Variants in SYTL2 observed in about 807,000 individuals in gnomAD.
The protein encoded by SYTL2 is synaptotagmin-like protein 2.
SYTL2 carries 165 observed loss-of-function variants against 198.7 expected under a neutral mutation model. The ratio of observed to expected loss-of-function variants is 0.83; its 90% CI spans 0.73 to 0.94. SYTL2 has a LOEUF of 0.94. SYTL2 is among the 40% of genes least tolerant of loss of function. The probability of loss-of-function intolerance (pLI) is 0.00; values close to 1 mark genes in which losing one functional copy is unlikely to be tolerated. For missense variants in SYTL2, 2,835 were observed against 2,582.8 expected, an observed-to-expected ratio of 1.10 and a Z score of -2.12; for synonymous variants, 966 against 917.7, an observed-to-expected ratio of 1.05 and a Z score of -0.95.
At position 85,776,400 on chromosome 11, in the gene SYTL2, G is replaced by A. The variant is rs539744823; in HGVS notation, c.-389-18286C>T. Among the ~76,000 whole-genome samples, 5 of 152,184 alleles carry A rather than the reference G, an allele frequency of 3.3e-5. No homozygotes were observed. The East Asian group carries it at 9.6e-4, about 29-fold the overall frequency. Reference sequence around the variant, plus strand: ...TTCTCCTAATGTTATCCCTCCCCTAGCCTCCCACCGCGCAACAGGCCCCGG... The same window carrying A: ...TTCTCCTAATGTTATCCCTCCCCTAACCTCCCACCGCGCAACAGGCCCCGG... On this transcript the variant is annotated intron_variant, in intron 1 of 19. Transcript: ENST00000359152.
upstream of SYTL2, among the ~76,000 whole-genome samples, chr11:85,816,080 G>A (rs74636395): frequency 4.6e-5 from 7 of 152,192 alleles, no homozygotes; most frequent in East Asian, 9.7e-4. Context: ...CAGGAGAATC[G>A]CTTGAACCTG....
chr11:85,824,112 C>T, the SYTL2 span, among the ~76,000 whole-genome samples: 2 of 152,200 alleles, frequency 1.3e-5, no homozygotes, highest in Non-Finnish European at 2.9e-5. Flanking sequence ...TTACAGAGCA[C>T]TGTTTTAACT....
intron 4 of SYTL2, among the ~76,000 whole-genome samples, chr11:85,740,240 A>G (rs1008429966): frequency 9.2e-5 from 14 of 152,100 alleles, no homozygotes; most frequent in Non-Finnish European, 1.5e-4. Context: ...AAAATGGTCA[A>G]TCTACTTACT....
Position 85,694,428 on chromosome 11 carries a change from G to A in SYTL2, c.*767C>T, listed in dbSNP as rs1169844589. On this transcript the variant is annotated 3_prime_UTR_variant, in exon 20 of 20. Transcript: ENST00000359152. Reference sequence around the variant, plus strand: ...ACATGTTTGTGACTACTCTTATGCTGCTTTCATATAGTAAAGTTATAAGAA... The same window carrying A: ...ACATGTTTGTGACTACTCTTATGCTACTTTCATATAGTAAAGTTATAAGAA... 6.6e-6 allele frequency: 1 copy of A among 152,132 alleles called. No homozygotes were observed. Among genetic ancestry groups the A allele is most frequent in the African/African-American group, 2.4e-5 (1 of 41,412 alleles). The allele number at this position is 152,132 out of a possible 1,614,324, so 9.4% of individuals were successfully genotyped here. A position where few individuals can be genotyped will look rare whatever the true frequency, so the allele number is the denominator to read the frequency against.
chr11:85,757,738 A>C lies in SYTL2; in HGVS notation c.-13T>G. ...TTAAGTCAATCATTTTGAAAAGTGCATGCAAAAATAATAGCAACAAATGTG... is the reference window on the plus strand; with the variant it reads ...TTAAGTCAATCATTTTGAAAAGTGCCTGCAAAAATAATAGCAACAAATGTG... On this transcript the variant is annotated 5_prime_UTR_variant, in exon 2 of 20. The change abolishes an upstream ATG in the 5' untranslated region. Transcript: ENST00000359152. The C allele has an allele frequency of 1.2e-6, 2 of 1,610,350 alleles. No individual in the cohort carries two copies. The highest frequency in any genetic ancestry group is 1.7e-6 in the Non-Finnish European group (2 of 1,179,812).
intron 1 of SYTL2, among the ~76,000 whole-genome samples, chr11:85,763,995 T>C (rs1390504919): frequency 6.6e-6 from 1 of 152,202 alleles, no homozygotes; most frequent in East Asian, 1.9e-4. Context: ...AGCCCGATGA[T>C]CATCAGATCA....
the SYTL2 span, among the ~76,000 whole-genome samples, chr11:85,818,993 AT>A: frequency 1.3e-5 from 2 of 152,218 alleles, no homozygotes; most frequent in African/African-American, 4.8e-5. Flanking sequence ...ATCTCTAAAA[AT>A]AAGAAGTCAG....
intron 2 of SYTL2, among the ~76,000 whole-genome samples, chr11:85,751,344 G>A (rs902208916): frequency 3.3e-5 from 5 of 152,208 alleles, no homozygotes; most frequent in Non-Finnish European, 7.4e-5. Flanking sequence ...ATCTAGTGCT[G>A]CTGTTAAAAT....
chr11:85,787,941 AG>A (rs1381892054), intron 1 of SYTL2, among the ~76,000 whole-genome samples: 1 of 152,052 alleles, frequency 6.6e-6, no homozygotes, highest in Non-Finnish European at 1.5e-5. Context: ...TTCTTACCCA[AG>A]GGTGGTAACT....
At position 85,725,562 on chromosome 11, in the gene SYTL2, T is replaced by A. The variant is rs779777102; in HGVS notation, c.3796A>T (p.Ile1266Leu). 1 of 1,614,130 alleles carries A rather than the reference T, an allele frequency of 6.2e-7. No homozygotes were observed. Among genetic ancestry groups the A allele is most frequent in the Non-Finnish European group, 8.5e-7 (1 of 1,179,996 alleles). The change falls in exon 8 of 20, where the codon ATA (isoleucine) becomes TTA (leucine). Residue 1266 changes from isoleucine to leucine, a missense_variant. Physicochemically the swap from Ile to Leu is conservative, Grantham distance 5. This residue lies in a region of SYTL2 where 2,645 missense variants were observed against 2,381.7 expected (regional missense o/e 1.11). Coordinates refer to ENST00000359152, the MANE Select transcript of SYTL2 (RefSeq NM_206927.4). ...TCTCTCACTGGAAAAGGAGCTAGTA[T>A]TTCTCTCTTATCAGCTGAAGTATTG... ...SHNTSADKRE[I>L]LAPFPVRDET...
At chr11:85,707,364 C>G in intron 15 of SYTL2, 65 bp downstream of exon 15, 1 of 1,080,768 alleles carries the variant, frequency 9.3e-7, no homozygotes, top group South Asian at 1.3e-5. Flanking sequence ...AGAGCTACTA[C>G]CCAAAGAAGA....
At chr11:85,718,044 A>G (rs561428746) in intron 10 of SYTL2, among the ~76,000 whole-genome samples, 1 of 152,354 alleles carries the variant, frequency 6.6e-6, no homozygotes, top group African/African-American at 2.4e-5. Context: ...TTTATATGGG[A>G]AAGCTCAGTG....
the SYTL2 span, among the ~76,000 whole-genome samples, chr11:85,818,993 A>G: frequency 6.6e-6 from 1 of 152,218 alleles, no homozygotes; most frequent in Non-Finnish European, 1.5e-5. Context: ...ATCTCTAAAA[A>G]TAAGAAGTCA....
intron 1 of SYTL2, among the ~76,000 whole-genome samples, chr11:85,796,297 C>G (rs2092803226): frequency 6.6e-6 from 1 of 152,090 alleles, no homozygotes; most frequent in Non-Finnish European, 1.5e-5. Context: ...AAGGATGATT[C>G]ACGTTAAACA....
chr11:85,702,543 A>G (rs1421164744), intron 16 of SYTL2, among the ~76,000 whole-genome samples: 1 of 152,150 alleles, frequency 6.6e-6, no homozygotes, highest in Non-Finnish European at 1.5e-5. Context: ...GATTTTGAGA[A>G]CTATTTCCCA....
rs1175239289 is a variant in SYTL2 at position 85,758,036 on chromosome 11, C to T, written c.-311G>A. ...GCTTCCAGCACACTCACTCTCTGGTCCAGTCTTAGACACAGTTTATTCTCT... is the reference window on the plus strand; with the variant it reads ...GCTTCCAGCACACTCACTCTCTGGTTCAGTCTTAGACACAGTTTATTCTCT... On this transcript the variant is annotated 5_prime_UTR_variant, in exon 2 of 20. Transcript: ENST00000359152. 2 of 312,914 alleles carry T rather than the reference C, an allele frequency of 6.4e-6. No individual in the cohort carries two copies. The highest frequency in any genetic ancestry group is 2.1e-5 in the African/African-American group (1 of 47,556). The allele number at this position is 312,914 out of a possible 1,614,324, so 19.4% of individuals were successfully genotyped here.
chr11:85,698,115 G>A, intron 17 of SYTL2, 37 bp from the exon 18 acceptor site: 1 of 1,421,502 alleles, frequency 7.0e-7, no homozygotes, highest in Non-Finnish European at 9.9e-7. Context: ...TTCACTGCCA[G>A]TTCTCCCTTG....
At chr11:85,736,734 A>C in intron 5 of SYTL2, 119 bp from the exon 6 acceptor site, 1 of 645,620 alleles carries the variant, frequency 1.5e-6, no homozygotes. Context: ...ATTATTTGGC[A>C]TGTTTGAAAA....
In SYTL2 at chr11:85,724,606, CT is replaced by C; in HGVS notation, c.4751del (p.Gln1584ArgfsTer4). ...CGTGAGTTTCTTCTCTCACTGACACCTGGGGCTGATAAGGAGGAGCTTCAGT... is the reference window on the plus strand; with the variant it reads ...CGTGAGTTTCTTCTCTCACTGACACCGGGGCTGATAAGGAGGAGCTTCAGT... ...EITEAPPYQPQVSVREETHEK... is the reference protein window; with the variant it reads ...EITEAPPYQPXVSVREETHEK... On this transcript the variant is annotated frameshift_variant, in exon 8 of 20. Coordinates refer to ENST00000359152, the MANE Select transcript of SYTL2 (RefSeq NM_206927.4). LOFTEE classifies it high-confidence loss of function. The C allele has an allele frequency of 6.2e-7, 1 of 1,613,348 alleles. No individual in the cohort carries two copies. The highest frequency in any genetic ancestry group is 8.5e-7 in the Non-Finnish European group (1 of 1,179,792).
Sources: gnomAD v4.1 joint callset for allele counts (sites outside exome capture counted in the v4.1 genomes callset) on GRCh38, gnomAD v4.1.1 for gene constraint, gnomAD v4.1.1 regional missense constraint, MANE v1.5 for transcripts, NCBI Gene and HGNC (gene_info 2026-07-23, HGNC 2026-07-21) for gene names.